The following COBL variants were observed in gnomAD, a reference collection of about 807,000 sequenced individuals.
The protein encoded by COBL is cordon-bleu WH2 repeat protein.
A neutral mutation model predicts 98.8 loss-of-function variants in COBL; 51 were observed. The observed-to-expected ratio is 0.52, with a 90% CI of 0.41 to 0.65. COBL has a LOEUF of 0.65. COBL is among the 30% of genes least tolerant of loss of function. The pLI is 0.00. For synonymous variants in COBL, 634 were observed against 651.7 expected (o/e 0.97, Z 0.41); for missense variants, 1,617 against 1,617.5 (o/e 1.00, Z 0.01).
At chr7:51,167,873 A>C (rs1037996991) in intron 5 of COBL, among the ~76,000 whole-genome samples, 1 of 152,222 alleles carries the variant, frequency 6.6e-6, no homozygotes, top group East Asian at 1.9e-4. Flanking sequence ...CAGAAGAATA[A>C]AACTAGACTC....
Position 51,017,306 on chromosome 7 carries a change from T to C in COBL, c.*245A>G, listed in dbSNP as rs1786367522. 3.4e-6 allele frequency: 2 copies of C among 593,142 alleles called. No homozygotes were observed. The highest frequency in any genetic ancestry group is 3.0e-5 in the Admixed American group (1 of 33,422). 36.7% of individuals were successfully genotyped at this position (593,142 alleles called of 1,614,324 possible). On this transcript the variant is annotated 3_prime_UTR_variant, in exon 13 of 13. Transcript: ENST00000265136. ...TAACCTGCCAACAAGAATCGTTTAT[T>C]AGCAACTTAAGATATTCAGAGGCAA...
chr7:51,116,091 G>A (rs1477951394), intron 6 of COBL, among the ~76,000 whole-genome samples: 1 of 151,926 alleles, frequency 6.6e-6, no homozygotes, highest in Non-Finnish European at 1.5e-5. Flanking sequence ...ATCAGTATCT[G>A]TCTTTTTATT....
At chr7:51,281,175 A>G (rs981619376) in intron 1 of COBL, among the ~76,000 whole-genome samples, 4 of 152,216 alleles carry the variant, frequency 2.6e-5, no homozygotes, top group Non-Finnish European at 5.9e-5. Flanking sequence ...AACTAAAATG[A>G]AAAACTCAAG....
intron 1 of COBL, among the ~76,000 whole-genome samples, chr7:51,277,951 T>C (rs1228664692): frequency 6.6e-6 from 1 of 152,182 alleles, no homozygotes; most frequent in East Asian, 1.9e-4. Flanking sequence ...GTCAACATCA[T>C]AGGGCAGATT....
intron 1 of COBL, among the ~76,000 whole-genome samples, chr7:51,243,344 C>T (rs538656254): frequency 2.6e-5 from 4 of 152,276 alleles, no homozygotes; most frequent in East Asian, 3.9e-4. Flanking sequence ...TCTGTACCTC[C>T]GGTTCCAGTG....
At chr7:51,096,844 C>T (rs1041597845) in intron 6 of COBL, among the ~76,000 whole-genome samples, 10 of 152,102 alleles carry the variant, frequency 6.6e-5, no homozygotes, top group Non-Finnish European at 1.5e-4. Context: ...GAAATCGAAT[C>T]AGTAACCAAA....
intron 4 of COBL, chr7:51,188,048 G>A: frequency 1.9e-6 from 2 of 1,053,218 alleles, no homozygotes; most frequent in Non-Finnish European, 2.4e-6. Context: ...AAGCCTCAGA[G>A]GGGGGCTGTC....
chr7:51,022,868 C>T (rs776066937), intron 12 of COBL: 1 of 152,228 alleles, frequency 6.6e-6, no homozygotes, highest in African/African-American at 2.4e-5. Context: ...GATAGACAAT[C>T]GTCTCCAACC....
chr7:51,025,104 A>G lies in COBL; in HGVS notation c.3768+5T>C. On this transcript the variant is annotated splice_donor_5th_base_variant and intron_variant, in intron 12 of 12. Transcript: ENST00000265136. Reference sequence around the variant, plus strand: ...ATTGAAATGCGCACACACAGTCGCCATCACCTTTCTCAGTCTCGCAGCCCC... The same window carrying G: ...ATTGAAATGCGCACACACAGTCGCCGTCACCTTTCTCAGTCTCGCAGCCCC... 2 of 1,611,914 alleles carry G rather than the reference A, an allele frequency of 1.2e-6. No individual in the cohort carries two copies. The highest frequency in any genetic ancestry group is 1.7e-5 in the Admixed American group (1 of 60,020).
intron 5 of COBL, among the ~76,000 whole-genome samples, chr7:51,161,180 C>T (rs1286584668): frequency 5.9e-5 from 9 of 152,084 alleles, no homozygotes; most frequent in Admixed American, 1.3e-4. Context: ...GAAAAGCTCG[C>T]GAGGGGATTT....
intron 6 of COBL, among the ~76,000 whole-genome samples, chr7:51,104,969 T>C (rs1290437007): frequency 1.3e-5 from 2 of 151,896 alleles, no homozygotes; most frequent in Non-Finnish European, 2.9e-5. Context: ...GGTCAGCCCA[T>C]AAAAGGGAAG....
intron 6 of COBL, among the ~76,000 whole-genome samples, chr7:51,113,200 T>C (rs1461010734): frequency 6.6e-6 from 1 of 152,216 alleles, no homozygotes; most frequent in African/African-American, 2.4e-5. Context: ...TCTGGCAATA[T>C]TCTTAAGAGA....
At chr7:51,251,596 A>C (rs770316583) in intron 1 of COBL, among the ~76,000 whole-genome samples, 2 of 152,216 alleles carry the variant, frequency 1.3e-5, no homozygotes, top group Non-Finnish European at 2.9e-5. Flanking sequence ...GGCAGGGATC[A>C]TATCTCTAAG....
intron 5 of COBL, among the ~76,000 whole-genome samples, chr7:51,168,280 C>T (rs1010935118): frequency 3.9e-5 from 6 of 152,042 alleles, no homozygotes; most frequent in African/African-American, 9.7e-5. Context: ...TACGCCTGTA[C>T]TCCCAGCACT....
chr7:51,108,677 C>G (rs1020375034), intron 6 of COBL, among the ~76,000 whole-genome samples: 3 of 152,126 alleles, frequency 2.0e-5, no homozygotes, highest in African/African-American at 7.2e-5. Flanking sequence ...AGCAGATGAT[C>G]TTACCCCATA....
intron 6 of COBL, among the ~76,000 whole-genome samples, chr7:51,132,790 T>C (rs1402834876): frequency 1.3e-5 from 2 of 152,036 alleles, no homozygotes; most frequent in African/African-American, 4.8e-5. Flanking sequence ...CAAAGGCGGA[T>C]TAGGCATGTC....
chr7:51,215,713 A>G (rs1288635010), intron 2 of COBL, among the ~76,000 whole-genome samples: 1 of 152,252 alleles, frequency 6.6e-6, no homozygotes, highest in Non-Finnish European at 1.5e-5. Context: ...TACTTCCTTC[A>G]GCCTCTGGGG....
chr7:51,204,771 G>A (rs1370063153), intron 2 of COBL, among the ~76,000 whole-genome samples: 2 of 151,942 alleles, frequency 1.3e-5, no homozygotes, highest in South Asian at 2.1e-4. Flanking sequence ...GGATGGTCTC[G>A]ATCTCTTGAC....
intron 1 of COBL, among the ~76,000 whole-genome samples, chr7:51,225,290 T>A (rs957064983): frequency 2.1e-4 from 32 of 152,206 alleles, no homozygotes; most frequent in Admixed American, 2.1e-3. Flanking sequence ...TTCTCAAACA[T>A]CTGTGCAGAT....
Sources: allele counts gnomAD v4.1 joint callset (sites outside exome capture counted in the v4.1 genomes callset), GRCh38; gene constraint gnomAD v4.1.1; transcripts MANE v1.5; gene names NCBI Gene and HGNC (gene_info 2026-07-23, HGNC 2026-07-21).